The following TMEM178B variants were observed in gnomAD, a reference collection of about 807,000 sequenced individuals.
TMEM178B encodes transmembrane protein 178B.
TMEM178B carries 5 observed loss-of-function variants against 31.0 expected under a neutral mutation model. That is an observed-to-expected ratio of 0.16 (90% CI 0.08 to 0.34). The LOEUF (loss-of-function observed/expected upper bound fraction) is 0.34. Ranked by LOEUF, TMEM178B falls within the 10% of genes least tolerant of loss-of-function variation. TMEM178B has a pLI of 1.00. For synonymous variants in TMEM178B, 164 were observed against 164.0 expected, an observed-to-expected ratio of 1.00 and a Z score of 0.00; for missense variants, 275 against 400.3, an observed-to-expected ratio of 0.69 and a Z score of 2.67.
chr7:141,335,091 T>C (rs1345299147), intron 2 of TMEM178B, among the ~76,000 whole-genome samples: 1 of 152,148 alleles, frequency 6.6e-6, no homozygotes. Context: ...GCAGCCTCCA[T>C]GGTTCTGATA....
At chr7:141,185,542 G>A (rs573377924) in intron 1 of TMEM178B, among the ~76,000 whole-genome samples, 16 of 152,250 alleles carry the variant, frequency 1.1e-4, no homozygotes, top group Admixed American at 5.2e-4. Flanking sequence ...ACGCGCAGCC[G>A]CTTGTGTGTT....
At chr7:141,301,987 G>A (rs1563145479) in intron 2 of TMEM178B, among the ~76,000 whole-genome samples, 2 of 152,178 alleles carry the variant, frequency 1.3e-5, no homozygotes, top group Non-Finnish European at 2.9e-5. Context: ...GTTGCCAGGG[G>A]TTGGGGGAAG....
chr7:141,173,290 C>A (rs999194014), intron 1 of TMEM178B: 1 of 152,194 alleles, frequency 6.6e-6, no homozygotes, highest in African/African-American at 2.4e-5. Context: ...AAGGCAAGAA[C>A]AATGTCATGT....
At chr7:141,369,585 A>G (rs1254423438) in intron 2 of TMEM178B, among the ~76,000 whole-genome samples, 1 of 152,158 alleles carries the variant, frequency 6.6e-6, no homozygotes, top group Non-Finnish European at 1.5e-5. Context: ...TTCCCTGAGC[A>G]AGAATGCCGA....
intron 1 of TMEM178B, among the ~76,000 whole-genome samples, chr7:141,166,804 A>G (rs1039681279): frequency 6.6e-6 from 1 of 152,230 alleles, no homozygotes; most frequent in African/African-American, 2.4e-5. Flanking sequence ...TCTCCTGCAG[A>G]TGTGAGCTAA....
intron 2 of TMEM178B, among the ~76,000 whole-genome samples, chr7:141,418,742 G>A (rs1267370525): frequency 6.6e-6 from 1 of 152,036 alleles, no homozygotes; most frequent in Admixed American, 6.6e-5. Flanking sequence ...CTTTAACTAC[G>A]TGATTTTCAA....
At position 141,475,382 on chromosome 7, in the gene TMEM178B, A is replaced by G. The variant is rs565291996; in HGVS notation, c.*4596A>G. 13 of 152,376 alleles carry G rather than the reference A, an allele frequency of 8.5e-5. No homozygotes were observed. The highest frequency in any genetic ancestry group is 3.1e-4 in the African/African-American group (13 of 41,598). The allele number at this position is 152,376 out of a possible 1,614,324, so 9.4% of individuals were successfully genotyped here. ...TTAAACATTATTCCTGGTTCTTAGAATATGTGATTACTGAGTATTGGATTT... is the reference window on the plus strand; with the variant it reads ...TTAAACATTATTCCTGGTTCTTAGAGTATGTGATTACTGAGTATTGGATTT... On this transcript the variant is annotated 3_prime_UTR_variant, in exon 4 of 4. Transcript: ENST00000565468.
intron 2 of TMEM178B, among the ~76,000 whole-genome samples, chr7:141,265,821 C>T (rs571255213): frequency 6.6e-6 from 1 of 152,292 alleles, no homozygotes; most frequent in Non-Finnish European, 1.5e-5. Flanking sequence ...TCATGTACTT[C>T]CTTGGTGAGT....
At chr7:141,103,022 G>T (rs1207160691) in intron 1 of TMEM178B, among the ~76,000 whole-genome samples, 3 of 152,178 alleles carry the variant, frequency 2.0e-5, no homozygotes, top group African/African-American at 7.2e-5. Flanking sequence ...ACATCCCAAG[G>T]CTTGTGCTCT....
chr7:141,160,926 T>G (rs1003846220), intron 1 of TMEM178B, among the ~76,000 whole-genome samples: 1 of 152,322 alleles, frequency 6.6e-6, no homozygotes, highest in South Asian at 2.1e-4. Flanking sequence ...AGTGCGATCT[T>G]GGCTCACTGC....
intron 2 of TMEM178B, among the ~76,000 whole-genome samples, chr7:141,254,146 C>CT (rs913019156): frequency 2.6e-5 from 4 of 152,180 alleles, no homozygotes; most frequent in African/African-American, 9.7e-5. Context: ...TTTGAATCTG[C>CT]TTTGTTTCCT....
chr7:141,210,561 A>G (rs1000407434), intron 1 of TMEM178B, among the ~76,000 whole-genome samples: 1 of 152,210 alleles, frequency 6.6e-6, no homozygotes, highest in Non-Finnish European at 1.5e-5. Context: ...GATGATATCA[A>G]TAACAGAGTT....
At chr7:141,332,781 C>G (rs1468951334) in intron 2 of TMEM178B, among the ~76,000 whole-genome samples, 1 of 152,184 alleles carries the variant, frequency 6.6e-6, no homozygotes, top group Non-Finnish European at 1.5e-5. Context: ...CAAAATGTGT[C>G]AGGTTTCTTT....
chr7:141,337,182 C>G (rs1180443302), intron 2 of TMEM178B, among the ~76,000 whole-genome samples: 1 of 60,580 alleles, frequency 1.7e-5, no homozygotes. Flanking sequence ...ACCACCACCA[C>G]CAGCACCACC....
At chr7:141,349,971 C>G (rs1235919734) in intron 2 of TMEM178B, among the ~76,000 whole-genome samples, 2 of 151,656 alleles carry the variant, frequency 1.3e-5, no homozygotes, top group Non-Finnish European at 2.9e-5. Context: ...ATCCATCCAT[C>G]CATCCATCCA....
chr7:141,391,600 T>C (rs1486364714), intron 2 of TMEM178B, among the ~76,000 whole-genome samples: 1 of 152,202 alleles, frequency 6.6e-6, no homozygotes, highest in Non-Finnish European at 1.5e-5. Flanking sequence ...CACATTCACA[T>C]TGCTGTGCGA....
At chr7:141,213,362 G>C (rs894107170) in intron 2 of TMEM178B, among the ~76,000 whole-genome samples, 4 of 152,204 alleles carry the variant, frequency 2.6e-5, no homozygotes, top group African/African-American at 9.7e-5. Context: ...AACAGAGTTT[G>C]TTGGCTATTT....
At chr7:141,109,097 C>T (rs1384865452) in intron 1 of TMEM178B, among the ~76,000 whole-genome samples, 1 of 152,162 alleles carries the variant, frequency 6.6e-6, no homozygotes, top group Non-Finnish European at 1.5e-5. Flanking sequence ...TTATCTCCAA[C>T]TGGGTCCCTC....
At chr7:141,509,101 C>T in the TMEM178B span, among the ~76,000 whole-genome samples, 5 of 152,196 alleles carry the variant, frequency 3.3e-5, no homozygotes, top group African/African-American at 4.8e-5. Flanking sequence ...TATTAAACAT[C>T]CTATTACATG....
Sources: allele counts gnomAD v4.1 joint callset (sites outside exome capture counted in the v4.1 genomes callset), GRCh38; gene constraint gnomAD v4.1.1; transcripts MANE v1.5; gene names NCBI Gene and HGNC (gene_info 2026-07-23, HGNC 2026-07-21).